The following TEX2 variants were observed in gnomAD, a reference collection of about 807,000 sequenced individuals.
The protein encoded by TEX2 is testis-expressed protein 2.
Under a neutral mutation model 106.9 loss-of-function variants are expected in TEX2, and 53 were observed. The ratio of observed to expected loss-of-function variants is 0.50; its 90% CI spans 0.40 to 0.62. The LOEUF (loss-of-function observed/expected upper bound fraction) is 0.62. Ranked by LOEUF, TEX2 falls within the 20% of genes least tolerant of loss-of-function variation. TEX2 has a pLI of 0.00. For missense variants in TEX2, 1,207 were observed against 1,379.0 expected (o/e 0.88, Z 1.98); for synonymous variants, 523 against 534.8 (o/e 0.98, Z 0.30).
intron 6 of TEX2, among the ~76,000 whole-genome samples, chr17:64,174,609 A>C (rs572502918): frequency 6.6e-6 from 1 of 152,352 alleles, no homozygotes; most frequent in African/African-American, 2.4e-5. Flanking sequence ...ACAGTGAGAC[A>C]GAAATCCAGG....
chr17:64,203,175 A>G (rs2032724421), intron 2 of TEX2, among the ~76,000 whole-genome samples: 1 of 152,222 alleles, frequency 6.6e-6, no homozygotes, highest in Non-Finnish European at 1.5e-5. Context: ...CTGACCAGAG[A>G]AAAGTGCCAG....
chr17:64,240,726 CG>C (rs1352263056), intron 1 of TEX2, among the ~76,000 whole-genome samples: 2 of 152,124 alleles, frequency 1.3e-5, no homozygotes, highest in Non-Finnish European at 2.9e-5. Context: ...CTTCCTTGAT[CG>C]GTTTAGAGTC....
chr17:64,175,968 G>C (rs2031600738), intron 6 of TEX2, among the ~76,000 whole-genome samples: 1 of 152,192 alleles, frequency 6.6e-6, no homozygotes. Context: ...TCCAAAAATG[G>C]GGAGAGGCTG....
intron 6 of TEX2, among the ~76,000 whole-genome samples, chr17:64,176,461 GTC>G (rs1397582108): frequency 1.3e-5 from 2 of 152,168 alleles, no homozygotes; most frequent in Admixed American, 1.3e-4. Flanking sequence ...TCTCAAAAAT[GTC>G]TCTGATCCAT....
intron 6 of TEX2, among the ~76,000 whole-genome samples, chr17:64,171,660 C>T (rs2031405508): frequency 6.6e-6 from 1 of 152,070 alleles, no homozygotes; most frequent in Non-Finnish European, 1.5e-5. Context: ...AGACCTCTCT[C>T]AGACTCTCAG....
chr17:64,224,679 C>G (rs541183628), intron 1 of TEX2, among the ~76,000 whole-genome samples: 1 of 152,076 alleles, frequency 6.6e-6, no homozygotes, highest in Admixed American at 6.6e-5. Context: ...AGGGTTTAGA[C>G]GAAGAAACTA....
intron 10 of TEX2, 118 bp downstream of exon 10, chr17:64,152,827 G>C: frequency 2.0e-6 from 2 of 976,112 alleles, no homozygotes; most frequent in African/African-American, 3.3e-5. Context: ...AAAATTGTTT[G>C]GAAGTGCTTC....
At chr17:64,240,230 C>T (rs2033861071) in intron 1 of TEX2, among the ~76,000 whole-genome samples, 1 of 134,684 alleles carries the variant, frequency 7.4e-6, no homozygotes, top group Non-Finnish European at 1.5e-5. Context: ...TGTGTATATG[C>T]AGATGTGTGT....
chr17:64,175,589 T>G lies in TEX2; in HGVS notation c.2571+1736A>C, dbSNP rs77060591. Among the ~76,000 whole-genome samples the G allele has an allele frequency of 9.8e-3, 1,486 of 152,108 alleles. 16 individuals are homozygous for G. The highest frequency in any genetic ancestry group is 0.033 in the African/African-American group (1,357 of 41,432). ...TCAAACCAGTTTGGTTTTGTTGGTG[T>G]TGTTGTTGTTTTTAGAGATGAGAGT... On this transcript the variant is annotated intron_variant, in intron 6 of 11. Coordinates refer to ENST00000584379, the MANE Select transcript of TEX2 (RefSeq NM_001288732.2).
chr17:64,213,307 A>G lies in TEX2; in HGVS notation c.911T>C (p.Leu304Pro). 1 of 1,614,070 alleles carries G rather than the reference A, an allele frequency of 6.2e-7. No homozygotes were observed. Among genetic ancestry groups the G allele is most frequent in the Non-Finnish European group, 8.5e-7 (1 of 1,180,036 alleles). ...LSEVIYEPFQLLSKIIGEESG... is the reference protein window; with the variant it reads ...LSEVIYEPFQPLSKIIGEESG... ...TTCTTCCCCTATAATTTTACTAAGG[A>G]GCTGAAAAGGCTCATAGATGACTTC... The change falls in exon 2 of 12, where the codon CTC (leucine) becomes CCC (proline). Residue 304 changes from leucine (L) to proline (P), a missense_variant. Physicochemically the swap from Leu to Pro is moderately conservative, Grantham distance 98. Transcript: ENST00000584379. The surrounding 1 kb of genome is among the most constrained non-coding windows in gnomAD (Gnocchi z 4.4).
At position 64,213,589 on chromosome 17, in the gene TEX2, T is replaced by C. The variant is rs1555632096; in HGVS notation, c.629A>G (p.His210Arg). The change falls in exon 2 of 12, where the codon CAC (histidine) becomes CGC (arginine). Residue 210 changes from histidine to arginine, a missense_variant. Around this residue, in one of 3 missense-constraint regions of TEX2, gnomAD observed 1,067 missense variants for 1,193.6 expected, o/e 0.89. Transcript: ENST00000584379. This position sits in a 1 kb window ranked among gnomAD's most constrained non-coding sequence, Gnocchi z 4.4. ...GACTAATGTCTTCATCAAGTGCCTG[T>C]GCCTTGCGGGGTGTGGGGATTCTTT... is the stretch of plus-strand genomic sequence containing the variant. ...EPKESPHPAR[H>R]RHLMKTLVKS... 6.2e-7 allele frequency: 1 copy of C among 1,614,150 alleles called. No individual in the cohort carries two copies. Among genetic ancestry groups the C allele is most frequent in the African/African-American group, 1.3e-5 (1 of 75,038 alleles).
intron 4 of TEX2, 97 bp downstream of exon 4, chr17:64,193,462 G>GGCTTCGTT: frequency 2.0e-6 from 2 of 1,001,610 alleles, no homozygotes; most frequent in Non-Finnish European, 1.4e-6. Flanking sequence ...GTTCAGGGTG[G>GGCTTCGTT]GCTTCCTTCC....
At chr17:64,171,334 G>T in intron 6 of TEX2, 135 bp from the exon 7 acceptor site, 1 of 692,186 alleles carries the variant, frequency 1.4e-6, no homozygotes, top group South Asian at 1.7e-5. Context: ...AAAACGTAAT[G>T]TGCACACATC....
intron 2 of TEX2, among the ~76,000 whole-genome samples, chr17:64,203,054 A>G (rs2032720117): frequency 1.3e-5 from 2 of 152,268 alleles, no homozygotes; most frequent in South Asian, 4.1e-4. Flanking sequence ...TAAAAGCTAC[A>G]ATTAACCTTT....
chr17:64,224,508 T>C (rs551597552), intron 1 of TEX2, among the ~76,000 whole-genome samples: 267 of 152,330 alleles, frequency 1.8e-3, no homozygotes, highest in African/African-American at 6.1e-3. Flanking sequence ...ATGAACTAGC[T>C]CTAGCCTTAG....
rs531689473 is a variant in TEX2, at chr17:64,254,763, T to C, written c.-26+8405A>G. Among the ~76,000 whole-genome samples the C allele has an allele frequency of 1.2e-4, 18 of 152,346 alleles. No homozygotes were observed. In the East Asian group the frequency reaches 2.3e-3, roughly 20 times the overall value. ...CTTAATCAGTTTCACAGTTTGGGCT[T>C]TGTGTAAAATTCATTTGCTAAGAAT... On this transcript the variant is annotated intron_variant, in intron 1 of 11. Transcript: ENST00000584379.
intron 1 of TEX2, 61 bp from the exon 2 acceptor site, chr17:64,214,303 A>G: frequency 7.2e-7 from 1 of 1,391,158 alleles, no homozygotes. Context: ...AGACGCTGTC[A>G]TTCGCAGATA....
chr17:64,191,016 A>AT (rs1425843610), intron 4 of TEX2, among the ~76,000 whole-genome samples: 1 of 152,218 alleles, frequency 6.6e-6, no homozygotes, highest in Non-Finnish European at 1.5e-5. Context: ...GTAGTCACTG[A>AT]TTCAGAGATG....
At chr17:64,174,639 G>A (rs993269087) in intron 6 of TEX2, among the ~76,000 whole-genome samples, 1 of 152,132 alleles carries the variant, frequency 6.6e-6, no homozygotes, top group African/African-American at 2.4e-5. Context: ...TTTACCCTCT[G>A]GAGTAAACCC....
Sources: allele counts gnomAD v4.1 joint callset (sites outside exome capture counted in the v4.1 genomes callset), GRCh38; gene constraint gnomAD v4.1.1; regional missense constraint gnomAD v4.1.1; non-coding constraint Gnocchi (gnomAD v3.1); transcripts MANE v1.5; gene names NCBI Gene and HGNC (gene_info 2026-07-23, HGNC 2026-07-21).